The following PIK3R4 variants were observed in gnomAD, a reference collection of about 807,000 sequenced individuals.
PIK3R4 encodes phosphoinositide-3-kinase regulatory subunit 4.
A neutral mutation model predicts 136.5 loss-of-function variants in PIK3R4; 46 were observed. That is an observed-to-expected ratio of 0.34 (90% CI 0.27 to 0.43). The LOEUF (loss-of-function observed/expected upper bound fraction) is 0.43, where lower values mean the gene tolerates loss of function less well. PIK3R4 is among the 20% of genes least tolerant of loss of function. The pLI is 1.00. For synonymous variants in PIK3R4, 557 were observed against 566.7 expected (o/e 0.98, Z 0.24); for missense variants, 1,331 against 1,649.5 (o/e 0.81, Z 3.35).
intron 14 of PIK3R4, among the ~76,000 whole-genome samples, 148 bp downstream of exon 14, chr3:130,690,335 TTTATTTA>T: frequency 7.1e-6 from 1 of 141,240 alleles, no homozygotes; most frequent in South Asian, 2.1e-4. Context: ...TTTTTAAAAT[TTTATTTA>T]TTTATTTATT....
At chr3:130,727,245 G>C (rs2066736995) in intron 6 of PIK3R4, among the ~76,000 whole-genome samples, 1 of 151,042 alleles carries the variant, frequency 6.6e-6, no homozygotes, top group Non-Finnish European at 1.5e-5. Context: ...TTTTGAGACG[G>C]AGTCTCGCTC....
chr3:130,740,313 C>T (rs192943690), intron 2 of PIK3R4, among the ~76,000 whole-genome samples: 48 of 152,226 alleles, frequency 3.2e-4, no homozygotes, highest in African/African-American at 9.9e-4. Flanking sequence ...CTGAAACAGG[C>T]AAAATGCTAT....
intron 13 of PIK3R4, among the ~76,000 whole-genome samples, chr3:130,693,341 T>G (rs150241436): frequency 6.6e-6 from 1 of 152,204 alleles, no homozygotes; most frequent in East Asian, 1.9e-4. Context: ...CATAGGGTCA[T>G]ATGGTAACTC....
At chr3:130,701,257 A>G (rs1188753996) in intron 13 of PIK3R4, among the ~76,000 whole-genome samples, 1 of 152,168 alleles carries the variant, frequency 6.6e-6, no homozygotes, top group Non-Finnish European at 1.5e-5. Context: ...CACACCCGTA[A>G]ACTCAGCACT....
intron 14 of PIK3R4, 37 bp from the exon 15 acceptor site, chr3:130,686,459 C>A (rs1253956795): frequency 1.6e-6 from 2 of 1,268,824 alleles, no homozygotes; most frequent in Non-Finnish European, 1.2e-6. Context: ...TTTCCAGTCA[C>A]TGAAAACATA....
intron 5 of PIK3R4, among the ~76,000 whole-genome samples, chr3:130,729,106 GT>G (rs2066748845): frequency 6.6e-6 from 1 of 152,174 alleles, no homozygotes. Flanking sequence ...TTAAAGGTCA[GT>G]TTATTTTAGA....
At chr3:130,730,082 G>A (rs2066753640) in intron 5 of PIK3R4, among the ~76,000 whole-genome samples, 1 of 152,144 alleles carries the variant, frequency 6.6e-6, no homozygotes, top group Non-Finnish European at 1.5e-5. Context: ...AATTCTGGCT[G>A]ACAAACAATT....
intron 13 of PIK3R4, among the ~76,000 whole-genome samples, chr3:130,693,341 T>C (rs150241436): frequency 4.6e-5 from 7 of 152,322 alleles, no homozygotes; most frequent in African/African-American, 1.7e-4. Context: ...CATAGGGTCA[T>C]ATGGTAACTC....
chr3:130,714,043 G>A (rs914719915), intron 9 of PIK3R4, among the ~76,000 whole-genome samples: 18 of 152,140 alleles, frequency 1.2e-4, no homozygotes, highest in African/African-American at 4.3e-4. Context: ...GGCCAAGGCT[G>A]AAGAAACACT....
rs376578494 is a variant in PIK3R4, at chr3:130,727,735, A to G, written c.1807+728T>C. ...CAAATCTTAAACTGAAAAGATCAGT[A>G]CATTCAGGGAAAAGGGGATCAGTTA... On this transcript the variant is annotated intron_variant, in intron 6 of 19. Coordinates refer to ENST00000356763, the MANE Select transcript of PIK3R4 (RefSeq NM_014602.3). Among the ~76,000 whole-genome samples the G allele has an allele frequency of 1.3e-4, 20 of 152,344 alleles. No homozygotes were observed. The East Asian group carries it at 3.5e-3, about 26-fold the overall frequency.
chr3:130,716,361 C>T lies in PIK3R4; in HGVS notation c.2331+35G>A, dbSNP rs756822812. 6 of 1,522,670 alleles carry T rather than the reference C, an allele frequency of 3.9e-6. No individual in the cohort carries two copies. In the South Asian group the frequency reaches 4.6e-5, roughly 12 times the overall value. 94.3% of individuals were successfully genotyped at this position (1,522,670 alleles called of 1,614,324 possible). A position where few individuals can be genotyped will look rare whatever the true frequency, so the allele number is the denominator to read the frequency against. ...CACTTCAATATTTTTATGAAATTCG[C>T]ATTTAAATGTAAGACTTTGGAAGGG... On this transcript the variant is annotated intron_variant, in intron 9 of 19. Coordinates refer to ENST00000356763, the MANE Select transcript of PIK3R4 (RefSeq NM_014602.3).
chr3:130,716,279 TACTC>T (rs2066663955), intron 9 of PIK3R4, 113 bp downstream of exon 9: 2 of 755,660 alleles, frequency 2.6e-6, no homozygotes, highest in Admixed American at 2.6e-5. Context: ...CAGATTTACT[TACTC>T]ATTTTTATGA....
chr3:130,702,953 C>T (rs1205116823), intron 13 of PIK3R4, among the ~76,000 whole-genome samples: 3 of 152,132 alleles, frequency 2.0e-5, no homozygotes, highest in African/African-American at 7.2e-5. Flanking sequence ...TTCAGCAAAT[C>T]TTGTTATATC....
chr3:130,728,800 T>C (rs1034770882), intron 5 of PIK3R4, 116 bp from the exon 6 acceptor site: 1 of 666,964 alleles, frequency 1.5e-6, no homozygotes, highest in South Asian at 2.8e-5. Context: ...GAGAGACTGA[T>C]TACAGAATCC....
intron 2 of PIK3R4, among the ~76,000 whole-genome samples, chr3:130,739,422 A>C (rs1474386810): frequency 2.0e-5 from 3 of 151,876 alleles, no homozygotes; most frequent in Non-Finnish European, 4.4e-5. Flanking sequence ...CCCAGCCTGG[A>C]GTGCAGTGGT....
chr3:130,709,141 A>G (rs1295431224), intron 9 of PIK3R4, among the ~76,000 whole-genome samples: 1 of 152,164 alleles, frequency 6.6e-6, no homozygotes, highest in Non-Finnish European at 1.5e-5. Flanking sequence ...TATAAAGATA[A>G]TTACTGGCAC....
At chr3:130,715,267 G>A (rs1252752081) in intron 9 of PIK3R4, among the ~76,000 whole-genome samples, 1 of 151,966 alleles carries the variant, frequency 6.6e-6, no homozygotes, top group Non-Finnish European at 1.5e-5. Context: ...GGGATTACAG[G>A]CACACAACAC....
In PIK3R4 at chr3:130,718,369, C is replaced by G. The variant is rs768602627; in HGVS notation, c.2127+20G>C. 10 of 1,599,536 alleles carry G rather than the reference C, an allele frequency of 6.3e-6. No homozygotes were observed. Among genetic ancestry groups the G allele is most frequent in the Middle Eastern group, 1.7e-4 (1 of 6,002 alleles). On this transcript the variant is annotated intron_variant, in intron 8 of 19. Transcript: ENST00000356763. ...GCACAGTTTGGAGGAAAGACTGACT[C>G]CAACTTGGAACATGTATACCTGTAT...
intron 2 of PIK3R4, among the ~76,000 whole-genome samples, chr3:130,740,004 T>TA (rs2066811824): frequency 1.3e-5 from 2 of 152,340 alleles, no homozygotes; most frequent in South Asian, 4.1e-4. Flanking sequence ...ATACTCTAGT[T>TA]AACAGTAATG....
Sources: allele counts gnomAD v4.1 joint callset (sites outside exome capture counted in the v4.1 genomes callset), GRCh38; gene constraint gnomAD v4.1.1; transcripts MANE v1.5; gene names NCBI Gene and HGNC (gene_info 2026-07-23, HGNC 2026-07-21).